DUOX2: variants seen among roughly 807,000 people sequenced by gnomAD.
DUOX2 encodes the protein dual oxidase 2.
Under a neutral mutation model 183.3 loss-of-function variants are expected in DUOX2, and 185 were observed. That is an observed-to-expected ratio of 1.01 (90% CI 0.90 to 1.14). The LOEUF (loss-of-function observed/expected upper bound fraction) is 1.14, where lower values mean the gene tolerates loss of function less well. DUOX2 is among the 50% of genes most tolerant of loss of function. The probability of loss-of-function intolerance (pLI) is 0.00; values close to 1 mark genes in which losing one functional copy is unlikely to be tolerated. For missense variants in DUOX2, 1,999 were observed against 2,022.9 expected, an observed-to-expected ratio of 0.99 and a Z score of 0.23; for synonymous variants, 788 against 812.4, an observed-to-expected ratio of 0.97 and a Z score of 0.51.
intron 13 of DUOX2, 126 bp downstream of exon 13, chr15:45,107,920 AG>A (rs1894266781): frequency 3.4e-6 from 3 of 881,584 alleles, no homozygotes; most frequent in Admixed American, 1.8e-5. Flanking sequence ...AGAGACCCAG[AG>A]GGGTTGGGAA....
At chr15:45,110,962 T>C (rs1012993155) in intron 7 of DUOX2, 149 bp downstream of exon 7, 2 of 1,276,114 alleles carry the variant, frequency 1.6e-6, no homozygotes, top group African/African-American at 3.1e-5. Context: ...TGCCTCCCTA[T>C]CATTTACAGG....
intron 10 of DUOX2, 33 bp from the exon 11 acceptor site, chr15:45,109,659 C>G (rs1894325072): frequency 1.2e-6 from 2 of 1,606,952 alleles, no homozygotes; most frequent in Admixed American, 1.7e-5. Context: ...AGATAGGCCT[C>G]TACCCAAAAC....
Position 45,097,719 on chromosome 15 carries a change from G to C in DUOX2, c.3588C>G (p.Leu1196=). 1 of 1,614,242 alleles carries C rather than the reference G, an allele frequency of 6.2e-7. No homozygotes were observed. Among genetic ancestry groups the C allele is most frequent in the Non-Finnish European group, 8.5e-7 (1 of 1,180,052 alleles). The change falls in exon 28 of 34, where the codon CTC becomes CTG. Residue 1196 remains leucine, a synonymous_variant. Coordinates refer to ENST00000389039, the MANE Select transcript of DUOX2 (RefSeq NM_001363711.2). ...TVPGMTGVLL[L]LVLAIMYVFA... ...AGACATACATGATGGCCAGGACCAG[G>C]AGCAGAAGCACACCTGTCATACCTG...
rs773454836 is a variant in DUOX2 at position 45,109,956 on chromosome 15, C to T, written c.1065G>A (p.Lys355=). Residue 355 remains lysine, a synonymous_variant, in exon 10 of 34, where the codon AAG becomes AAA. Coordinates refer to ENST00000389039, the MANE Select transcript of DUOX2 (RefSeq NM_001363711.2). ...AGCTTTGAAAACCCTTGTTCAGGAC[C>T]TTCCGGAAATGACAGCTGGCATTTC... ...YMRNASCHFR[K]VLNKGFQSSQ... 1.4e-5 allele frequency: 22 copies of T among 1,613,948 alleles called. No homozygotes were observed. Among genetic ancestry groups the T allele is most frequent in the Non-Finnish European group, 1.7e-5 (20 of 1,180,016 alleles).
intron 11 of DUOX2, 58 bp downstream of exon 11, chr15:45,109,466 G>A: frequency 6.6e-7 from 1 of 1,518,764 alleles, no homozygotes; most frequent in Non-Finnish European, 9.1e-7. Flanking sequence ...GATGAACCCA[G>A]AGGGATCCTC....
chr15:45,100,777 G>A lies in DUOX2; in HGVS notation c.2983C>T (p.Leu995=). The A allele has an allele frequency of 1.2e-6, 2 of 1,614,114 alleles. No individual in the cohort carries two copies. The highest frequency in any genetic ancestry group is 1.7e-6 in the Non-Finnish European group (2 of 1,179,984). ...CACTTTTTGCCAAACCTCTTCTTCAGTCCAGGGCCTCCCAGCTCTGGGGCT... is the reference window on the plus strand; with the variant it reads ...CACTTTTTGCCAAACCTCTTCTTCAATCCAGGGCCTCCCAGCTCTGGGGCT... ...PEAPELGGPG[L]KKRFGKKAAV... The change falls in exon 23 of 34, where the codon CTG becomes TTG. Residue 995 remains leucine, a synonymous_variant. Transcript: ENST00000389039.
chr15:45,111,742 C>G, intron 5 of DUOX2, 26 bp downstream of exon 5: 1 of 1,534,462 alleles, frequency 6.5e-7, no homozygotes, highest in Non-Finnish European at 8.8e-7. Flanking sequence ...GGGTGCGGTC[C>G]CTTCCCGCCG....
chr15:45,111,491 A>G lies in DUOX2; in HGVS notation c.608T>C (p.Leu203Pro), dbSNP rs1894403832. The G allele has an allele frequency of 6.4e-7, 1 of 1,552,010 alleles. No individual in the cohort carries two copies. The highest frequency in any genetic ancestry group is 8.7e-7 in the Non-Finnish European group (1 of 1,151,338). Reference sequence around the variant, plus strand: ...GAAAGCGGGGTCGGGCCCCGACGCCAGCTGTCCCCCCGAGAAGCTCCGCAG... The same window carrying G: ...GAAAGCGGGGTCGGGCCCCGACGCCGGCTGTCCCCCCGAGAAGCTCCGCAG... Reference protein sequence around the residue: ...DALRSFSGGQLASGPDPAFPR... With the variant: ...DALRSFSGGQPASGPDPAFPR... The change falls in exon 6 of 34, where the codon CTG (leucine) becomes CCG (proline). Residue 203 changes from leucine to proline, a missense_variant. Leu to Pro is a moderately conservative substitution (Grantham distance 98, BLOSUM62 -3). Coordinates refer to ENST00000389039, the MANE Select transcript of DUOX2 (RefSeq NM_001363711.2).
rs1423511659 is a variant in DUOX2, at chr15:45,099,784, A to G, written c.3293T>C (p.Leu1098Ser). Residue 1098 changes from leucine to serine, a missense_variant, in exon 25 of 34, where the codon TTG (leucine) becomes TCG (serine). Leu to Ser is a moderately radical substitution (Grantham distance 145). Transcript: ENST00000389039. ...TATGAGGTTGCGGCACATGGTGAGC[A>G]AGATATAAGAGAACATGAAGGAGAC... is the stretch of plus-strand genomic sequence containing the variant. ...ASVSFMFSYI[L>S]LTMCRNLITF... The G allele has an allele frequency of 6.2e-7, 1 of 1,614,212 alleles. No homozygotes were observed. The highest frequency in any genetic ancestry group is 8.5e-7 in the Non-Finnish European group (1 of 1,180,040).
chr15:45,113,396 G>T lies in DUOX2; in HGVS notation c.16C>A (p.Pro6Thr). 2 of 1,564,662 alleles carry T rather than the reference G, an allele frequency of 1.3e-6. No individual in the cohort carries two copies. The highest frequency in any genetic ancestry group is 1.7e-6 in the Non-Finnish European group (2 of 1,153,478). The change falls in exon 2 of 34, where the codon CCA becomes ACA. Residue 6 changes from proline to threonine, a missense_variant. Coordinates refer to ENST00000389039, the MANE Select transcript of DUOX2 (RefSeq NM_001363711.2). ...GCTCCCAGGAGCATCAGTGCCTCTG[G>T]TCTTGCACGGAGCATGCCAACCCTG... MLRAR[P>T]EALMLLGALL...
At chr15:45,110,837 C>G in intron 7 of DUOX2, 127 bp from the exon 8 acceptor site, 1 of 1,417,810 alleles carries the variant, frequency 7.1e-7, no homozygotes, top group South Asian at 1.3e-5. Flanking sequence ...AGAAGCAACT[C>G]AGACAGGAGC....
At position 45,104,224 on chromosome 15, in the gene DUOX2, A is replaced by G; in HGVS notation, c.2476T>C (p.Ser826Pro). 6.2e-7 allele frequency: 1 copy of G among 1,613,822 alleles called. No individual in the cohort carries two copies. The highest frequency in any genetic ancestry group is 8.5e-7 in the Non-Finnish European group (1 of 1,179,946). Residue 826 changes from serine (S) to proline (P), a missense_variant, in exon 19 of 34, where the codon TCC becomes CCC. Transcript: ENST00000389039. ...GLKPQDMFVE[S>P]MFSLADKDGN... ...TCCTTGTCAGCCAGAGAGAACATGG[A>G]CTCCACAAACATGTCCTGGGGCTTG... is the stretch of plus-strand genomic sequence containing the variant.
chr15:45,095,387 A>G, intron 31 of DUOX2, 50 bp downstream of exon 31: 2 of 1,612,246 alleles, frequency 1.2e-6, no homozygotes, highest in Non-Finnish European at 1.7e-6. Context: ...GATGCGGGTC[A>G]CAATTCGGCC....
intron 4 of DUOX2, among the ~76,000 whole-genome samples, chr15:45,112,320 G>C (rs948317957): frequency 1.3e-5 from 2 of 152,204 alleles, no homozygotes; most frequent in African/African-American, 4.8e-5. Context: ...TGGGGGTCCA[G>C]TGACACCCCT....
chr15:45,110,295 T>C, intron 9 of DUOX2, 133 bp downstream of exon 9: 1 of 854,518 alleles, frequency 1.2e-6, no homozygotes. Context: ...CAGGGTTCTG[T>C]TTCAGGGCCC....
chr15:45,095,677 G>C, intron 30 of DUOX2, 82 bp from the exon 31 acceptor site: 2 of 1,600,032 alleles, frequency 1.2e-6, no homozygotes, highest in Non-Finnish European at 1.7e-6. Flanking sequence ...GCAGAGGGAG[G>C]ATACAGAACA....
rs1175247423 is a variant in DUOX2 at position 45,099,654 on chromosome 15, T to C, written c.3415+8A>G. Reference sequence around the variant, plus strand: ...CAGCAAAGAGGAAGAAGCCTGGGAGTCACGTACTGGCCAGGACAACAGCAG... The same window carrying C: ...CAGCAAAGAGGAAGAAGCCTGGGAGCCACGTACTGGCCAGGACAACAGCAG... On this transcript the variant is annotated splice_region_variant and intron_variant, in intron 25 of 33. Transcript: ENST00000389039. 6.2e-7 allele frequency: 1 copy of C among 1,613,512 alleles called. No homozygotes were observed. Among genetic ancestry groups the C allele is most frequent in the Non-Finnish European group, 8.5e-7 (1 of 1,179,896 alleles).
chr15:45,106,868 CA>C lies in DUOX2; in HGVS notation c.1794del (p.Phe598LeufsTer13). 1 of 1,590,416 alleles carries C rather than the reference CA, an allele frequency of 6.3e-7. No homozygotes were observed. The highest frequency in any genetic ancestry group is 8.6e-7 in the Non-Finnish European group (1 of 1,169,180). ...CAGCAGAGAGCAATGATGGTGATGGCAAAACCAGGGCTGCTGCCTTCAAAGA... is the reference window on the plus strand; with the variant it reads ...CAGCAGAGAGCAATGATGGTGATGGCAAACCAGGGCTGCTGCCTTCAAAGA... ...LDFFEGSSPG[F>X]AITIIALCCL... On this transcript the variant is annotated frameshift_variant, in exon 15 of 34. Coordinates refer to ENST00000389039, the MANE Select transcript of DUOX2 (RefSeq NM_001363711.2). LOFTEE classifies it high-confidence loss of function.
intron 23 of DUOX2, 46 bp downstream of exon 23, chr15:45,100,709 C>G: frequency 2.9e-5 from 45 of 1,538,364 alleles, no homozygotes; most frequent in Middle Eastern, 1.7e-4. Flanking sequence ...GACCCTAAGA[C>G]TTCTCTCCAT....
Sources: gnomAD v4.1 joint callset for allele counts (sites outside exome capture counted in the v4.1 genomes callset) on GRCh38, gnomAD v4.1.1 for gene constraint, MANE v1.5 for transcripts, NCBI Gene and HGNC (gene_info 2026-07-23, HGNC 2026-07-21) for gene names.